Variants in LINGO2 observed in about 807,000 individuals in gnomAD.
The protein encoded by LINGO2 is leucine rich repeat and Ig domain containing 2, also known as leucine-rich repeat and immunoglobulin-like domain-containing nogo receptor-interacting protein 2.
LINGO2 carries 14 observed loss-of-function variants against 30.6 expected under a neutral mutation model. The ratio of observed to expected loss-of-function variants is 0.46; its 90% CI spans 0.30 to 0.72. The LOEUF is 0.72. LINGO2 is among the 30% of genes least tolerant of loss of function. The pLI is 0.07. For synonymous variants in LINGO2, 317 were observed against 288.5 expected (o/e 1.10, Z -1.00); for missense variants, 729 against 751.7 (o/e 0.97, Z 0.35).
chr9:29,133,526 G>C, the LINGO2 span, among the ~76,000 whole-genome samples: 2 of 152,098 alleles, frequency 1.3e-5, no homozygotes, highest in Non-Finnish European at 2.9e-5. Flanking sequence ...GACTTGCCTA[G>C]TGTCACACAG....
chr9:28,839,637 G>A, the LINGO2 span, among the ~76,000 whole-genome samples: 794 of 152,226 alleles, frequency 5.2e-3, 8 homozygotes, highest in African/African-American at 0.019. Flanking sequence ...GCTGAGTCCA[G>A]GGGTTTTTAC....
At chr9:28,799,709 G>A in the LINGO2 span, among the ~76,000 whole-genome samples, 11 of 152,192 alleles carry the variant, frequency 7.2e-5, no homozygotes, top group African/African-American at 1.7e-4. Flanking sequence ...TTCTTACTAT[G>A]TCACAGAGTT....
chr9:28,609,761 T>G (rs1221747284), intron 1 of LINGO2, among the ~76,000 whole-genome samples: 1 of 152,086 alleles, frequency 6.6e-6, no homozygotes, highest in Non-Finnish European at 1.5e-5. Flanking sequence ...TCATAGATAG[T>G]TATCTTAAAA....
intron 1 of LINGO2, among the ~76,000 whole-genome samples, chr9:28,502,578 C>T (rs1440314874): frequency 6.6e-6 from 1 of 151,930 alleles, no homozygotes; most frequent in Non-Finnish European, 1.5e-5. Flanking sequence ...GCAAATACAA[C>T]AAAAAACTAT....
At chr9:29,173,600 C>T in the LINGO2 span, among the ~76,000 whole-genome samples, 1 of 152,010 alleles carries the variant, frequency 6.6e-6, no homozygotes, top group Non-Finnish European at 1.5e-5. Context: ...TATGTCTCTT[C>T]GTCTTAAATA....
the LINGO2 span, among the ~76,000 whole-genome samples, chr9:28,932,581 G>A: frequency 6.6e-6 from 1 of 152,112 alleles, no homozygotes; most frequent in Admixed American, 6.5e-5. Context: ...CCTCTATTAA[G>A]AACTTCGTGA....
chr9:28,898,593 T>A, the LINGO2 span, among the ~76,000 whole-genome samples: 482 of 152,272 alleles, frequency 3.2e-3, 2 homozygotes, highest in African/African-American at 0.011. Flanking sequence ...CCCTTTTTTT[T>A]TAAAATACAT....
At chr9:28,094,145 G>A (rs1461739165) in intron 4 of LINGO2, among the ~76,000 whole-genome samples, 1 of 152,084 alleles carries the variant, frequency 6.6e-6, no homozygotes, top group Admixed American at 6.6e-5. Context: ...TTCACAAAAT[G>A]TGGTATAATG....
chr9:28,052,123 A>C (rs571884023), intron 4 of LINGO2, among the ~76,000 whole-genome samples: 11 of 152,158 alleles, frequency 7.2e-5, no homozygotes, highest in Non-Finnish European at 1.6e-4. Flanking sequence ...TTCAGATTTA[A>C]ATTTTAATTC....
At chr9:28,994,592 G>T in the LINGO2 span, among the ~76,000 whole-genome samples, 1 of 150,956 alleles carries the variant, frequency 6.6e-6, no homozygotes, top group Non-Finnish European at 1.5e-5. Context: ...CAAAGCTGGA[G>T]GCATCACGCT....
upstream of LINGO2, among the ~76,000 whole-genome samples, chr9:28,673,432 C>T (rs1046651792): frequency 2.6e-5 from 4 of 152,050 alleles, no homozygotes; most frequent in Non-Finnish European, 4.4e-5. Context: ...TTTGGGAGGC[C>T]GAGGTGGGTG....
At chr9:28,860,466 C>T in the LINGO2 span, among the ~76,000 whole-genome samples, 1 of 151,946 alleles carries the variant, frequency 6.6e-6, no homozygotes, top group Non-Finnish European at 1.5e-5. Context: ...TGCAAATCTG[C>T]CCTGAGCCTC....
At position 28,624,148 on chromosome 9, in the gene LINGO2, A is replaced by G. The variant is rs368126704; in HGVS notation, c.-365+46052T>C. ...GGATAATTTGACTTCTCCCTTTCCA[A>G]TTTGAATGTCCTTTATTTCTTTCTC... On this transcript the variant is annotated intron_variant, in intron 1 of 5. Transcript: ENST00000379992. 9.2e-5 allele frequency among the ~76,000 whole-genome samples: 14 copies of G among 152,160 alleles called. 1 individual carries two copies. Among genetic ancestry groups the G allele is most frequent in the African/African-American group, 3.1e-4 (13 of 41,554 alleles).
the LINGO2 span, among the ~76,000 whole-genome samples, chr9:29,065,863 A>G: frequency 6.6e-6 from 1 of 152,000 alleles, no homozygotes; most frequent in Non-Finnish European, 1.5e-5. Context: ...AAAAATCAAG[A>G]TATTAAATAT....
At chr9:28,990,740 C>G in the LINGO2 span, among the ~76,000 whole-genome samples, 1 of 116,964 alleles carries the variant, frequency 8.5e-6, no homozygotes, top group African/African-American at 2.8e-5. Flanking sequence ...GATACCCAGG[C>G]TAACAGGGTC....
the LINGO2 span, among the ~76,000 whole-genome samples, chr9:28,958,902 A>T: frequency 1.3e-5 from 2 of 152,144 alleles, no homozygotes; most frequent in African/African-American, 4.8e-5. Flanking sequence ...CACTAACAGG[A>T]TGATGACATC....
At chr9:29,074,829 A>G in the LINGO2 span, among the ~76,000 whole-genome samples, 785 of 147,742 alleles carry the variant, frequency 5.3e-3, 7 homozygotes, top group South Asian at 0.039. Context: ...CACCACACCT[A>G]GCTAATTTGC....
intron 4 of LINGO2, among the ~76,000 whole-genome samples, chr9:28,216,029 T>C (rs1486394845): frequency 6.6e-6 from 1 of 151,896 alleles, no homozygotes; most frequent in East Asian, 1.9e-4. Flanking sequence ...TTGGCACTTC[T>C]GCAATTGACA....
chr9:29,070,941 T>C, the LINGO2 span, among the ~76,000 whole-genome samples: 1 of 151,050 alleles, frequency 6.6e-6, no homozygotes, highest in South Asian at 2.1e-4. Context: ...CTTGTAAACA[T>C]TTGTGCCCCT....
Sources: allele counts gnomAD v4.1 joint callset (sites outside exome capture counted in the v4.1 genomes callset), GRCh38; gene constraint gnomAD v4.1.1; transcripts MANE v1.5; gene names NCBI Gene and HGNC (gene_info 2026-07-23, HGNC 2026-07-21).